ANKRD11: variants seen among roughly 807,000 people sequenced by gnomAD.
ANKRD11 encodes ankyrin repeat domain-containing protein 11.
Under a neutral mutation model 195.7 loss-of-function variants are expected in ANKRD11, and 17 were observed. The ratio of observed to expected loss-of-function variants is 0.09; its 90% CI spans 0.06 to 0.13. The LOEUF (loss-of-function observed/expected upper bound fraction) is 0.13. Ranked by LOEUF, ANKRD11 falls within the 10% of genes least tolerant of loss-of-function variation. ANKRD11 has a pLI of 1.00. For synonymous variants in ANKRD11, 1,953 were observed against 1,528.1 expected, an observed-to-expected ratio of 1.28 and a Z score of -6.49; for missense variants, 3,735 against 3,566.1, an observed-to-expected ratio of 1.05 and a Z score of -1.21.
rs575571963 is a variant in ANKRD11 at position 89,457,798 on chromosome 16, C to G, written c.-145+32447G>C. On this transcript the variant is annotated intron_variant, in intron 1 of 12. Transcript: ENST00000301030. ...TGTCAAACTCATCCTACTGTACCTT[C>G]TAAAATGGCTGCTTTTATTATATAA... Among the ~76,000 whole-genome samples the G allele has an allele frequency of 3.3e-5, 5 of 152,192 alleles. No homozygotes were observed. The South Asian group carries it at 1.0e-3, about 32-fold the overall frequency.
rs748385198 is a variant in ANKRD11 at position 89,286,120 on chromosome 16, G to C, written c.811C>G (p.Leu271Val). 8 of 1,614,218 alleles carry C rather than the reference G, an allele frequency of 5.0e-6. No homozygotes were observed. Among genetic ancestry groups the C allele is most frequent in the Non-Finnish European group, 6.8e-6 (8 of 1,180,046 alleles). The change falls in exon 8 of 13, where the codon CTG (leucine) becomes GTG (valine). Residue 271 changes from leucine to valine, a missense_variant. By Grantham distance (32) the Leu-to-Val change is conservative. Coordinates refer to ENST00000301030, the MANE Select transcript of ANKRD11 (RefSeq NM_013275.6). ...QQSNRKGETP[L>V]KVANSPTMVN... is the part of the protein sequence containing the mutation. ...ATCGTGGGGGAGTTGGCCACTTTCA[G>C]CGGCGTCTCGCCTTTCCTGTTGCTC... is the stretch of plus-strand genomic sequence containing the variant.
intron 1 of ANKRD11, among the ~76,000 whole-genome samples, chr16:89,439,780 C>G (rs1215850546): frequency 6.6e-6 from 1 of 152,228 alleles, no homozygotes; most frequent in East Asian, 1.9e-4. Context: ...CAACACAACT[C>G]CGTCCCCCTC....
In ANKRD11 at chr16:89,278,714, G is replaced by C. The variant is rs3102367; in HGVS notation, c.7470+358C>G. ...GGCGGGGCAGGGGCAGGAGACACAG[G>C]GGGTGGCTCTCGTGAGGCCGTCCTG... is the stretch of plus-strand genomic sequence containing the variant. On this transcript the variant is annotated intron_variant, in intron 9 of 12. Transcript: ENST00000301030. 8.5e-5 allele frequency: 42 copies of C among 494,052 alleles called. No homozygotes were observed. The Admixed American group carries it at 9.0e-4, about 11-fold the overall frequency. 30.6% of individuals were successfully genotyped at this position (494,052 alleles called of 1,614,324 possible).
Position 89,280,405 on chromosome 16 carries a change from G to A in ANKRD11, c.6137C>T (p.Ala2046Val), listed in dbSNP as rs778221106. The change falls in exon 9 of 13, where the codon GCC becomes GTC. Residue 2046 changes from alanine to valine, a missense_variant. Transcript: ENST00000301030. ...AGCCGCCTCTGAGGTGGAGATGGCG[G>A]CGGGGACGGCGTCCACTCCGTCCTT... ...DVKDGVDAVP[A>V]AISTSEAAPY... 4 of 1,560,678 alleles carry A rather than the reference G, an allele frequency of 2.6e-6. No individual in the cohort carries two copies. The highest frequency in any genetic ancestry group is 3.5e-6 in the Non-Finnish European group (4 of 1,153,780).
chr16:89,377,325 A>G (rs1391481063), intron 2 of ANKRD11, among the ~76,000 whole-genome samples: 1 of 152,168 alleles, frequency 6.6e-6, no homozygotes, highest in African/African-American at 2.4e-5. Context: ...GAAAGATGCC[A>G]TCATTGTTAT....
intron 1 of ANKRD11, chr16:89,420,405 A>G (rs2042464496): frequency 6.6e-6 from 1 of 152,210 alleles, no homozygotes; most frequent in African/African-American, 2.4e-5. Context: ...GCAACCAAAA[A>G]TGTCTCCAGA....
intron 7 of ANKRD11, 21 bp from the exon 8 acceptor site, chr16:89,286,207 C>G: frequency 6.2e-7 from 1 of 1,611,348 alleles, no homozygotes; most frequent in East Asian, 2.2e-5. Flanking sequence ...GTAACACCCG[C>G]GTCAGGGACT....
At chr16:89,334,495 C>A (rs1026383257) in intron 2 of ANKRD11, among the ~76,000 whole-genome samples, 4 of 152,164 alleles carry the variant, frequency 2.6e-5, no homozygotes, top group Non-Finnish European at 4.4e-5. Flanking sequence ...TGTCCCACCA[C>A]GTCCAACTCC....
chr16:89,343,257 T>C (rs1384109347), intron 2 of ANKRD11, among the ~76,000 whole-genome samples: 1 of 152,168 alleles, frequency 6.6e-6, no homozygotes, highest in Non-Finnish European at 1.5e-5. Context: ...CCTCCCGAAG[T>C]GCTGGGATTA....
chr16:89,278,319 G>A (rs758536997), intron 9 of ANKRD11: 3 of 354,522 alleles, frequency 8.5e-6, no homozygotes, highest in African/African-American at 6.4e-5. Flanking sequence ...GGTAGGAGGA[G>A]GTGGGAACCC....
At chr16:89,364,184 G>T (rs1483813679) in intron 2 of ANKRD11, among the ~76,000 whole-genome samples, 2 of 152,198 alleles carry the variant, frequency 1.3e-5, no homozygotes, top group Non-Finnish European at 2.9e-5. Context: ...GGCCCACGAG[G>T]ACCCTGCCAC....
rs1036217591 is a variant in ANKRD11, at chr16:89,312,219, G to A, written c.87+4714C>T. 5.9e-5 allele frequency among the ~76,000 whole-genome samples: 9 copies of A among 152,190 alleles called. No homozygotes were observed. In the South Asian group the frequency reaches 8.3e-4, roughly 14 times the overall value. ...GGCCAGGAACTTCCACTTCTTAAAC[G>A]TGATGTGAGAACCTGAGGAGCTCGG... On this transcript the variant is annotated intron_variant, in intron 3 of 12. Transcript: ENST00000301030.
At chr16:89,335,606 G>A (rs1330718823) in intron 2 of ANKRD11, among the ~76,000 whole-genome samples, 1 of 152,136 alleles carries the variant, frequency 6.6e-6, no homozygotes, top group Non-Finnish European at 1.5e-5. Flanking sequence ...GGGAACCTTT[G>A]GTTTGCAAAG....
chr16:89,434,389 T>C (rs969754761), intron 1 of ANKRD11, among the ~76,000 whole-genome samples: 16 of 152,232 alleles, frequency 1.1e-4, no homozygotes, highest in African/African-American at 2.9e-4. Flanking sequence ...AGAATTCTCA[T>C]ACTCTTCTTC....
At chr16:89,308,176 TAGAC>T (rs1567619795) in intron 3 of ANKRD11, among the ~76,000 whole-genome samples, 1 of 152,096 alleles carries the variant, frequency 6.6e-6, no homozygotes, top group African/African-American at 2.4e-5. Context: ...CTTATGAACA[TAGAC>T]AGGATATATA....
At chr16:89,308,712 C>CA (rs200838225) in intron 3 of ANKRD11, among the ~76,000 whole-genome samples, 356 of 151,942 alleles carry the variant, frequency 2.3e-3, no homozygotes, top group African/African-American at 7.9e-3. Context: ...GTTCGTAATA[C>CA]AAAAAAAATG....
chr16:89,432,941 CCTATCTCTCTCTCTCT>C (rs1489303566), intron 1 of ANKRD11, among the ~76,000 whole-genome samples: 1 of 50,544 alleles, frequency 2.0e-5, no homozygotes, highest in African/African-American at 8.3e-5. Context: ...TGACAGAGAC[CCTATCTCTCTCTCTCT>C]CTCTCTCTCT....
rs144491743 is a variant in ANKRD11, at chr16:89,322,665, G to T, written c.-59-5587C>A. Among the ~76,000 whole-genome samples the T allele has an allele frequency of 1.4e-3, 208 of 152,314 alleles. 1 individual carries two copies. The highest frequency in any genetic ancestry group is 6.8e-3 in the Middle Eastern group (2 of 294). The stretch of plus-strand genomic sequence containing the variant: ...AACACCAAAGGCCTGTTTGCCTTGA[G>T]GGGGACACTGGGGAGGGTGGGGAAG... On this transcript the variant is annotated intron_variant, in intron 2 of 12. Coordinates refer to ENST00000301030, the MANE Select transcript of ANKRD11 (RefSeq NM_013275.6).
chr16:89,334,801 G>C (rs1335642349), intron 2 of ANKRD11, among the ~76,000 whole-genome samples: 2 of 152,166 alleles, frequency 1.3e-5, no homozygotes, highest in Non-Finnish European at 2.9e-5. Context: ...ACCAGCAGAA[G>C]AGCAAATGAG....
Sources: allele counts gnomAD v4.1 joint callset (sites outside exome capture counted in the v4.1 genomes callset), GRCh38; gene constraint gnomAD v4.1.1; transcripts MANE v1.5; gene names NCBI Gene and HGNC (gene_info 2026-07-23, HGNC 2026-07-21).